Variants in RSPO2 observed in about 807,000 individuals in gnomAD.
RSPO2 encodes the protein R-spondin 2.
Under a neutral mutation model 30.9 loss-of-function variants are expected in RSPO2, and 14 were observed. The observed-to-expected ratio is 0.45, with a 90% CI of 0.30 to 0.71. The LOEUF (loss-of-function observed/expected upper bound fraction) is 0.71. Ranked by LOEUF, RSPO2 falls within the 30% of genes least tolerant of loss-of-function variation. The pLI, the probability that RSPO2 is intolerant of heterozygous loss-of-function variation, is 0.08. For synonymous variants in RSPO2, 107 were observed against 96.4 expected (o/e 1.11, Z -0.64); for missense variants, 264 against 301.9 (o/e 0.87, Z 0.93).
chr8:108,083,234 C>T lies in RSPO2; in HGVS notation c.-207G>A, dbSNP rs966198144. 1 of 152,388 alleles carries T rather than the reference C, an allele frequency of 6.6e-6. No individual in the cohort carries two copies. The highest frequency in any genetic ancestry group is 2.4e-5 in the African/African-American group (1 of 41,584). The allele number at this position is 152,388 out of a possible 1,614,324, so 9.4% of individuals were successfully genotyped here. ...TCGGGCGGCGCGGCCTCCCTAGGCG[C>T]GGTGCTCCATCCCGGGCTCGGGAAG... On this transcript the variant is annotated 5_prime_UTR_variant, in exon 1 of 6. Transcript: ENST00000276659.
chr8:107,970,110 T>C (rs563656265), intron 3 of RSPO2, among the ~76,000 whole-genome samples: 22 of 152,266 alleles, frequency 1.4e-4, no homozygotes, highest in Non-Finnish European at 2.4e-4. Flanking sequence ...AGCCAGATAA[T>C]AAATATTTTA....
intron 3 of RSPO2, among the ~76,000 whole-genome samples, chr8:107,961,414 T>C (rs576959556): frequency 6.6e-6 from 1 of 152,252 alleles, no homozygotes; most frequent in East Asian, 1.9e-4. Context: ...ATCTTCACAA[T>C]AATCCTACAG....
intron 2 of RSPO2, among the ~76,000 whole-genome samples, chr8:108,057,793 C>T (rs1425366727): frequency 6.7e-6 from 1 of 149,642 alleles, no homozygotes; most frequent in Admixed American, 6.7e-5. Context: ...GTTTGCAATA[C>T]TGTTTGTTCT....
intron 3 of RSPO2, among the ~76,000 whole-genome samples, chr8:107,981,324 G>A (rs1393942270): frequency 6.6e-6 from 1 of 152,070 alleles, no homozygotes; most frequent in Non-Finnish European, 1.5e-5. Context: ...TTCGAGACTG[G>A]CCTGGGCAAC....
intron 3 of RSPO2, chr8:107,982,992 A>G (rs112935021): frequency 0.014 from 8,371 of 599,698 alleles, 298 homozygotes; most frequent in African/African-American, 0.083. Flanking sequence ...AGCGCCTACG[A>G]CTGGCTCCTG....
intron 3 of RSPO2, among the ~76,000 whole-genome samples, chr8:107,980,113 C>T (rs652739): frequency 0.76 from 114,951 of 152,024 alleles, 43,584 homozygotes; most frequent in East Asian, 0.92. Flanking sequence ...ACACACTCTT[C>T]GGAAAATCTG....
chr8:108,064,338 C>A (rs1050284913), intron 2 of RSPO2, among the ~76,000 whole-genome samples: 27 of 152,020 alleles, frequency 1.8e-4, no homozygotes, highest in Non-Finnish European at 2.9e-5. Flanking sequence ...AAGAAAAAAA[C>A]AACCCCATCC....
rs1813484684 is a variant in RSPO2, at chr8:107,958,076, C to A, written c.616+4G>T. ...CACACAGTAGTGATTATATCCACAC[C>A]TACCTCCTGGACAATGCCTCATTGT... On this transcript the variant is annotated splice_donor_region_variant and intron_variant, in intron 5 of 5. Coordinates refer to ENST00000276659, the MANE Select transcript of RSPO2 (RefSeq NM_178565.5). The A allele has an allele frequency of 6.2e-7, 1 of 1,608,692 alleles. No homozygotes were observed. Among genetic ancestry groups the A allele is most frequent in the Non-Finnish European group, 8.5e-7 (1 of 1,175,728 alleles).
intron 2 of RSPO2, among the ~76,000 whole-genome samples, chr8:108,066,318 T>C (rs905774120): frequency 6.6e-6 from 1 of 152,216 alleles, no homozygotes; most frequent in Non-Finnish European, 1.5e-5. Flanking sequence ...TACACCATAC[T>C]GAAGCTACTG....
rs559649936 is a variant in RSPO2 at position 108,004,268 on chromosome 8, G to A, written c.95-15024C>T. On this transcript the variant is annotated intron_variant, in intron 2 of 5. Coordinates refer to ENST00000276659, the MANE Select transcript of RSPO2 (RefSeq NM_178565.5). ...AAGTCTTTTACTGTTTGGGCATTCA[G>A]CAAAAGGCCAGCACTTTTTACAGAG... Among the ~76,000 whole-genome samples the A allele has an allele frequency of 4.6e-5, 7 of 152,264 alleles. No individual in the cohort carries two copies. In the South Asian group the frequency reaches 1.4e-3, roughly 32 times the overall value.
Position 107,900,925 on chromosome 8 carries a change from A to G in RSPO2, c.*150T>C. 2 of 765,860 alleles carry G rather than the reference A, an allele frequency of 2.6e-6. No homozygotes were observed. Among genetic ancestry groups the G allele is most frequent in the Non-Finnish European group, 4.2e-6 (2 of 473,732 alleles). 47.4% of individuals were successfully genotyped at this position (765,860 alleles called of 1,614,324 possible). ...TCAAAGCATAAATAACACAGGGGCC[A>G]TGCTGGTGGTGCTTCCTTTCACCAT... On this transcript the variant is annotated 3_prime_UTR_variant, in exon 6 of 6. Coordinates refer to ENST00000276659, the MANE Select transcript of RSPO2 (RefSeq NM_178565.5).
chr8:108,058,200 C>G (rs1476405604), intron 2 of RSPO2, among the ~76,000 whole-genome samples: 1 of 152,094 alleles, frequency 6.6e-6, no homozygotes, highest in Non-Finnish European at 1.5e-5. Flanking sequence ...TTCTTATACA[C>G]CAATAACAGA....
At chr8:107,988,636 C>CT (rs1033293877) in intron 3 of RSPO2, among the ~76,000 whole-genome samples, 18 of 151,302 alleles carry the variant, frequency 1.2e-4, no homozygotes, top group East Asian at 7.8e-4. Context: ...AGCTTAGACT[C>CT]TTTTTTTTTG....
At chr8:108,008,792 A>AT (rs1810590902) in intron 2 of RSPO2, among the ~76,000 whole-genome samples, 1 of 149,938 alleles carries the variant, frequency 6.7e-6, no homozygotes, top group African/African-American at 2.5e-5. Flanking sequence ...AACTGCAAAA[A>AT]AAAAAAAATA....
chr8:108,008,536 A>G (rs1815537254), intron 2 of RSPO2, among the ~76,000 whole-genome samples: 1 of 152,220 alleles, frequency 6.6e-6, no homozygotes, highest in Non-Finnish European at 1.5e-5. Context: ...ATCCTCTTAC[A>G]AACCACTGCA....
chr8:107,955,986 T>C (rs549767652), intron 5 of RSPO2, among the ~76,000 whole-genome samples: 1 of 152,210 alleles, frequency 6.6e-6, no homozygotes, highest in Non-Finnish European at 1.5e-5. Flanking sequence ...TAAAGTGGCT[T>C]TCTTCTCCAT....
At chr8:107,964,371 A>G (rs1468402926) in intron 3 of RSPO2, among the ~76,000 whole-genome samples, 1 of 152,206 alleles carries the variant, frequency 6.6e-6, no homozygotes, top group Non-Finnish European at 1.5e-5. Flanking sequence ...GCGTCCCAGT[A>G]GCTGAGATTA....
At chr8:107,998,846 A>C (rs887865616) in intron 2 of RSPO2, among the ~76,000 whole-genome samples, 8 of 152,068 alleles carry the variant, frequency 5.3e-5, no homozygotes, top group African/African-American at 1.7e-4. Flanking sequence ...TCAGGTGTTC[A>C]AGACCAGCCT....
chr8:107,930,104 G>A (rs569570286), intron 5 of RSPO2, among the ~76,000 whole-genome samples: 2 of 152,162 alleles, frequency 1.3e-5, no homozygotes, highest in African/African-American at 2.4e-5. Flanking sequence ...ATTAATATGC[G>A]CCCATGTACA....
Sources: allele counts gnomAD v4.1 joint callset (sites outside exome capture counted in the v4.1 genomes callset), GRCh38; gene constraint gnomAD v4.1.1; transcripts MANE v1.5; gene names NCBI Gene and HGNC (gene_info 2026-07-23, HGNC 2026-07-21).